FXR2: variants seen among roughly 807,000 people sequenced by gnomAD.
FXR2 encodes the protein RNA-binding protein FXR2.
FXR2 carries 9 observed loss-of-function variants against 87.3 expected under a neutral mutation model. That is an observed-to-expected ratio of 0.10 (90% CI 0.06 to 0.18). The LOEUF is 0.18. Among genes scored for constraint, FXR2 ranks in the 10% least tolerant of loss-of-function variants. FXR2 has a pLI of 1.00. For missense variants in FXR2, 661 were observed against 893.6 expected (o/e 0.74, Z 3.32); for synonymous variants, 331 against 328.3 (o/e 1.01, Z -0.09).
intron 1 of FXR2, among the ~76,000 whole-genome samples, chr17:7,606,703 G>A (rs1027957750): frequency 4.6e-5 from 7 of 152,170 alleles, no homozygotes; most frequent in African/African-American, 1.7e-4. Flanking sequence ...GAAAAATTAA[G>A]ACTTAATTTA....
At chr17:7,609,915 T>C (rs1298820239) in intron 1 of FXR2, among the ~76,000 whole-genome samples, 1 of 125,164 alleles carries the variant, frequency 8.0e-6, no homozygotes, top group African/African-American at 3.1e-5. Flanking sequence ...TATATATGTA[T>C]ATATACATGT....
At position 7,592,501 on chromosome 17, in the gene FXR2, G is replaced by C. The variant is rs1051839036; in HGVS notation, c.1825+3C>G. 8 of 1,613,032 alleles carry C rather than the reference G, an allele frequency of 5.0e-6. No homozygotes were observed. The African/African-American group carries it at 1.1e-4, about 22-fold the overall frequency. On this transcript the variant is annotated splice_donor_region_variant and intron_variant, in intron 15 of 16. Coordinates refer to ENST00000250113, the MANE Select transcript of FXR2 (RefSeq NM_004860.4). This position sits in a 1 kb window ranked among gnomAD's most constrained non-coding sequence, Gnocchi z 4.8. ...AGGATTCTGGTGTCCAGAGTTGGCT[G>C]ACCTGGCTGGCGGTCTCCACTGATA...
At position 7,592,349 on chromosome 17, in the gene FXR2, C is replaced by T. The variant is rs749383202; in HGVS notation, c.1831G>A (p.Val611Met). The change falls in exon 16 of 17, where the codon GTG becomes ATG. Residue 611 changes from valine to methionine, a missense_variant. Coordinates refer to ENST00000250113, the MANE Select transcript of FXR2 (RefSeq NM_004860.4). The surrounding 1 kb of genome is among the most constrained non-coding windows in gnomAD (Gnocchi z 4.8). ...SISGDRQPVTVADYISRAESQ... is the reference protein window; with the variant it reads ...SISGDRQPVTMADYISRAESQ... Reference sequence around the variant, plus strand: ...TCTGCTCGTGAGATATAGTCAGCCACAGTCACTGGGGAAGGCAGGAGATTA... The same window carrying T: ...TCTGCTCGTGAGATATAGTCAGCCATAGTCACTGGGGAAGGCAGGAGATTA... The T allele has an allele frequency of 1.9e-5, 30 of 1,610,692 alleles. 1 individual carries two copies. The highest frequency in any genetic ancestry group is 1.6e-4 in the Middle Eastern group (1 of 6,080).
chr17:7,599,072 G>C (rs921747985), intron 7 of FXR2, among the ~76,000 whole-genome samples: 1 of 151,888 alleles, frequency 6.6e-6, no homozygotes, highest in Non-Finnish European at 1.5e-5. Context: ...AGGAGCGAGA[G>C]GTTGCAGGGA....
At position 7,594,012 on chromosome 17, in the gene FXR2, A is replaced by G. The variant is rs1272448407; in HGVS notation, c.1021-8T>C. 2 of 1,552,360 alleles carry G rather than the reference A, an allele frequency of 1.3e-6. No individual in the cohort carries two copies. The highest frequency in any genetic ancestry group is 2.2e-5 in the South Asian group (2 of 89,848). On this transcript the variant is annotated splice_region_variant and splice_polypyrimidine_tract_variant and intron_variant, in intron 10 of 16. Transcript: ENST00000250113. The surrounding 1 kb of genome is among the most constrained non-coding windows in gnomAD (Gnocchi z 5.1). The stretch of plus-strand genomic sequence containing the variant: ...AATGAAGGGAACCATTCCCTAGAGA[A>G]CAGAGAGCAGAAACGATGGATCAGA...
chr17:7,603,270 G>A (rs897004322), intron 5 of FXR2, among the ~76,000 whole-genome samples: 9 of 152,172 alleles, frequency 5.9e-5, no homozygotes, highest in South Asian at 2.1e-4. Flanking sequence ...GCTCACGCCT[G>A]TAATCCCAGC....
chr17:7,598,038 ACTCT>A (rs1243822627), intron 7 of FXR2, among the ~76,000 whole-genome samples: 1 of 150,258 alleles, frequency 6.7e-6, no homozygotes, highest in Non-Finnish European at 1.5e-5. Flanking sequence ...ACATAAAACT[ACTCT>A]CTCTCTCTTC....
chr17:7,614,348 G>C (rs921804993), intron 1 of FXR2, 104 bp downstream of exon 1: 29 of 835,598 alleles, frequency 3.5e-5, no homozygotes, highest in Non-Finnish European at 4.6e-5. Context: ...AAGATTCTAA[G>C]GGCCAGGACT....
intron 7 of FXR2, 56 bp from the exon 8 acceptor site, chr17:7,596,050 A>G: frequency 7.4e-7 from 1 of 1,359,418 alleles, no homozygotes; most frequent in Non-Finnish European, 1.0e-6. Flanking sequence ...AGTCCCAGGC[A>G]CACGACCCTT....
Position 7,593,716 on chromosome 17 carries a change from A to C in FXR2, c.1108-91T>G. ...GCACCCTGACTGTCCCTCTATATCT[A>C]ACCTCTCAGGAATGCAGGGAGAAGG... On this transcript the variant is annotated intron_variant, in intron 11 of 16. Coordinates refer to ENST00000250113, the MANE Select transcript of FXR2 (RefSeq NM_004860.4). The surrounding 1 kb of genome is among the most constrained non-coding windows in gnomAD (Gnocchi z 6.1). 3 of 949,416 alleles carry C rather than the reference A, an allele frequency of 3.2e-6. No individual in the cohort carries two copies. The highest frequency in any genetic ancestry group is 3.3e-6 in the Non-Finnish European group (2 of 612,452). The allele number at this position is 949,416 out of a possible 1,614,324, so 58.8% of individuals were successfully genotyped here. A position where few individuals can be genotyped will look rare whatever the true frequency, so the allele number is the denominator to read the frequency against.
At position 7,592,601 on chromosome 17, in the gene FXR2, T is replaced by C. The variant is rs752523010; in HGVS notation, c.1730-2A>G. 3.1e-6 allele frequency: 5 copies of C among 1,613,084 alleles called. No homozygotes were observed. The African/African-American group carries it at 6.7e-5, about 22-fold the overall frequency. The stretch of plus-strand genomic sequence containing the variant: ...GACGTTGAGGTCTTGATTCATCTTC[T>C]GTAGGGTAGGAAAAAACCAGAGTCA... On this transcript the variant is annotated splice_acceptor_variant, in intron 14 of 16. Transcript: ENST00000250113. LOFTEE classifies it high-confidence loss of function. This position sits in a 1 kb window ranked among gnomAD's most constrained non-coding sequence, Gnocchi z 4.8.
In FXR2 at chr17:7,609,982, A is replaced by ATG. The variant is rs1567753928; in HGVS notation, c.82-3834_82-3833insCA. Among the ~76,000 whole-genome samples the ATG allele has an allele frequency of 6.3e-3, 265 of 42,214 alleles. 9 individuals are homozygous for ATG. Among genetic ancestry groups the ATG allele is most frequent in the Non-Finnish European group, 0.015 (219 of 14,294 alleles). The allele number at this position is 42,214 out of a possible 152,430, so 27.7% of individuals were successfully genotyped here. A position where few individuals can be genotyped will look rare whatever the true frequency, so the allele number is the denominator to read the frequency against. ...TATATATACATGTATATGTATACAT[A>ATG]TATATATACATGTATATGTATACAT... On this transcript the variant is annotated intron_variant, in intron 1 of 16. Transcript: ENST00000250113.
At position 7,593,386 on chromosome 17, in the gene FXR2, T is replaced by C. The variant is rs775967678; in HGVS notation, c.1330+17A>G. The C allele has an allele frequency of 2.6e-6, 4 of 1,540,098 alleles. No homozygotes were observed. The highest frequency in any genetic ancestry group is 3.5e-6 in the Non-Finnish European group (4 of 1,135,492). On this transcript the variant is annotated intron_variant, in intron 12 of 16. Coordinates refer to ENST00000250113, the MANE Select transcript of FXR2 (RefSeq NM_004860.4). This position sits in a 1 kb window ranked among gnomAD's most constrained non-coding sequence, Gnocchi z 6.1. ...AGCCCTGCCACTCCTTGCCTCCTGT[T>C]CCCATAACTGTCTCACCATAGGCAG...
chr17:7,592,347 C>G lies in FXR2; in HGVS notation c.1833G>C (p.Val611=). The G allele has an allele frequency of 1.2e-6, 2 of 1,611,546 alleles. No homozygotes were observed. Among genetic ancestry groups the G allele is most frequent in the Non-Finnish European group, 1.7e-6 (2 of 1,177,680 alleles). The change falls in exon 16 of 17, where the codon GTG becomes GTC. Residue 611 remains valine, a synonymous_variant. Coordinates refer to ENST00000250113, the MANE Select transcript of FXR2 (RefSeq NM_004860.4). The surrounding 1 kb of genome is among the most constrained non-coding windows in gnomAD (Gnocchi z 4.8). The part of the protein sequence containing the change: ...SISGDRQPVT[V]ADYISRAESQ... ...ACTCTGCTCGTGAGATATAGTCAGC[C>G]ACAGTCACTGGGGAAGGCAGGAGAT...
chr17:7,614,572 A>C lies in FXR2; in HGVS notation c.-40T>G. 2.2e-6 allele frequency: 3 copies of C among 1,353,452 alleles called. No homozygotes were observed. In the South Asian group the frequency reaches 4.5e-5, roughly 20 times the overall value. 83.8% of individuals were successfully genotyped at this position (1,353,452 alleles called of 1,614,324 possible). On this transcript the variant is annotated 5_prime_UTR_variant, in exon 1 of 17. Coordinates refer to ENST00000250113, the MANE Select transcript of FXR2 (RefSeq NM_004860.4). ...CTCCGACTCCCCCGGCGGCGGCTGC[A>C]GCAGCAGTCTGAGTGCGGGCCGGGC...
At position 7,598,962 on chromosome 17, in the gene FXR2, A is replaced by G. The variant is rs1282952363; in HGVS notation, c.660+2447T>C. Among the ~76,000 whole-genome samples, 3 of 152,282 alleles carry G rather than the reference A, an allele frequency of 2.0e-5. No individual in the cohort carries two copies. The East Asian group carries it at 5.8e-4, about 29-fold the overall frequency. On this transcript the variant is annotated intron_variant, in intron 7 of 16. Coordinates refer to ENST00000250113, the MANE Select transcript of FXR2 (RefSeq NM_004860.4). ...GGAGTTCAAAACCAGCCTGGGCAAC[A>G]TGGTGAAACACTAAAAAAGCAAAAA...
chr17:7,591,838 C>A lies in FXR2; in HGVS notation c.2014G>T (p.Val672Phe). 1.3e-6 allele frequency: 2 copies of A among 1,543,294 alleles called. No individual in the cohort carries two copies. The highest frequency in any genetic ancestry group is 2.2e-5 in the South Asian group (2 of 89,698). ...GGTGCAGGTTGGAGGTTTTATGAAA[C>A]CCCATTCACCATACTACCCAACTCC... Reference protein sequence around the residue: ...PLELGSMVNGVS With the variant: ...PLELGSMVNGFS Residue 672 changes from valine (V) to phenylalanine (F), a missense_variant, in exon 17 of 17, where the codon GTT becomes TTT. Val to Phe is a conservative substitution (Grantham distance 50). Around this residue, in one of 3 missense-constraint regions of FXR2, gnomAD observed 409 missense variants for 432.0 expected, o/e 0.95. Transcript: ENST00000250113. The surrounding 1 kb of genome is among the most constrained non-coding windows in gnomAD (Gnocchi z 4.0).
intron 6 of FXR2, among the ~76,000 whole-genome samples, chr17:7,601,947 T>C (rs2071760162): frequency 6.6e-6 from 1 of 150,934 alleles, no homozygotes. Context: ...GAAATGAAGC[T>C]AGGAAGGAGG....
At chr17:7,602,707 T>G (rs1761401883) in intron 6 of FXR2, 4 of 462,672 alleles carry the variant, frequency 8.6e-6, no homozygotes, top group Non-Finnish European at 1.5e-5. Context: ...CCAGCCTGGG[T>G]GACAAGAGTG....
Sources: gnomAD v4.1 joint callset for allele counts (sites outside exome capture counted in the v4.1 genomes callset) on GRCh38, gnomAD v4.1.1 for gene constraint, gnomAD v4.1.1 regional missense constraint, Gnocchi (gnomAD v3.1) non-coding constraint, MANE v1.5 for transcripts, NCBI Gene and HGNC (gene_info 2026-07-23, HGNC 2026-07-21) for gene names.